The following CD99 variants were observed in gnomAD, a reference collection of about 807,000 sequenced individuals.
CD99 encodes CD99 molecule (Xg blood group), also known as CD99 antigen.
CD99 carries 19 observed loss-of-function variants against 28.4 expected under a neutral mutation model. The observed-to-expected ratio is 0.67, with a 90% CI of 0.47 to 0.98. CD99 has a LOEUF of 0.98. CD99 is among the 50% of genes least tolerant of loss of function. The pLI is 0.00. For missense variants in CD99, 283 were observed against 248.8 expected (o/e 1.14, Z -0.92); for synonymous variants, 103 against 92.1 (o/e 1.12, Z -0.67).
At chrX:2,702,426 CAAT>C (rs66532705) in intron 1 of CD99, among the ~76,000 whole-genome samples, 8,791 of 151,900 alleles carry the variant, frequency 0.058, 376 homozygotes, top group African/African-American at 0.12. Context: ...CTGAGAAAGA[CAAT>C]GATATATTTT....
chrX:2,702,187 G>C (rs146573206), intron 1 of CD99, among the ~76,000 whole-genome samples: 1,941 of 152,236 alleles, frequency 0.013, 42 homozygotes, highest in African/African-American at 0.044. Context: ...AGGGCTTCCT[G>C]GAGAAGGTGA....
rs1321088984 is a variant in CD99, at chrX:2,691,445, T to C, written c.67+18T>C. On this transcript the variant is annotated intron_variant, in intron 1 of 9. Transcript: ENST00000381192. ...CGCCCCGGGTGAGCGAGCGGAGGGA[T>C]CCGGGTTGGGGGACGCGGAGGGCGC... 1 of 1,578,926 alleles carries C rather than the reference T, an allele frequency of 6.3e-7. No individual in the cohort carries two copies. Among genetic ancestry groups the C allele is most frequent in the Non-Finnish European group, 8.5e-7 (1 of 1,171,548 alleles).
At chrX:2,709,775 A>G (rs868609015) in intron 1 of CD99, among the ~76,000 whole-genome samples, 32 of 140,976 alleles carry the variant, frequency 2.3e-4, no homozygotes, top group African/African-American at 8.2e-4. Context: ...CAGGCCCTGC[A>G]TTGGAAAAAA....
chrX:2,740,455 C>G (rs960341695), intron 9 of CD99, among the ~76,000 whole-genome samples: 1 of 152,120 alleles, frequency 6.6e-6, no homozygotes. Flanking sequence ...ATAAAAACTG[C>G]ACACTCTCAT....
rs980929317 is a variant in CD99, at chrX:2,732,955, C to T, written c.476-5245C>T. Among the ~76,000 whole-genome samples the T allele has an allele frequency of 7.4e-5, 11 of 147,732 alleles. No individual in the cohort carries two copies. The East Asian group carries it at 1.4e-3, about 19-fold the overall frequency. ...CTTCCCTCTCTCCTTCCCTTCCTCC[C>T]TCCCTCCCTCATTTCCTTCCTCCCT... On this transcript the variant is annotated intron_variant, in intron 8 of 9. Coordinates refer to ENST00000381192, the MANE Select transcript of CD99 (RefSeq NM_002414.5).
At chrX:2,707,776 C>T (rs1001599434) in intron 1 of CD99, among the ~76,000 whole-genome samples, 9 of 152,150 alleles carry the variant, frequency 5.9e-5, no homozygotes, top group African/African-American at 2.2e-4. Context: ...CCACCAGGCT[C>T]CTTCTCTGAG....
chrX:2,735,742 C>T lies in CD99; in HGVS notation c.476-2458C>T, dbSNP rs929676250. 1.2e-4 allele frequency among the ~76,000 whole-genome samples: 18 copies of T among 152,204 alleles called. No individual in the cohort carries two copies. The East Asian group carries it at 1.5e-3, about 13-fold the overall frequency. On this transcript the variant is annotated intron_variant, in intron 8 of 9. Coordinates refer to ENST00000381192, the MANE Select transcript of CD99 (RefSeq NM_002414.5). Reference sequence around the variant, plus strand: ...AAATGACATTTGTGGTGAACATTTTCGGATCATTTCGAATGTTCTTCTCTT... The same window carrying T: ...AAATGACATTTGTGGTGAACATTTTTGGATCATTTCGAATGTTCTTCTCTT...
chrX:2,716,843 C>T (rs770082431), intron 2 of CD99, among the ~76,000 whole-genome samples: 1 of 152,308 alleles, frequency 6.6e-6, no homozygotes, highest in South Asian at 2.1e-4. Flanking sequence ...GATTGGCTTC[C>T]ATTCTCAGAG....
At chrX:2,715,678 C>G (rs2048669862) in intron 2 of CD99, 2 of 151,084 alleles carry the variant, frequency 1.3e-5, no homozygotes, top group African/African-American at 2.4e-5. Context: ...GGGACCACTG[C>G]TCAATCCACT....
chrX:2,697,546 C>T (rs2047634018), intron 1 of CD99, among the ~76,000 whole-genome samples: 1 of 152,024 alleles, frequency 6.6e-6, no homozygotes, highest in South Asian at 2.1e-4. Context: ...CCAAATGCAC[C>T]CTGGCAAGCA....
At chrX:2,733,241 C>A in intron 8 of CD99, 1 of 1,079,346 alleles carries the variant, frequency 9.3e-7, no homozygotes, top group Non-Finnish European at 1.4e-6. Flanking sequence ...TTGCTCAGAG[C>A]AGCTCTTTCT....
At position 2,691,420 on chromosome X, in the gene CD99, C is replaced by T. The variant is rs2047278053; in HGVS notation, c.60C>T (p.Ala20=). ...LLFGLLGVLV[A]APDGGFDLSD... ...TCGGCCTGCTGGGTGTTCTGGTCGC[C>T]GCCCCGGGTGAGCGAGCGGAGGGAT... The change falls in exon 1 of 10, where the codon GCC becomes GCT. Residue 20 remains alanine, a synonymous_variant. Coordinates refer to ENST00000381192, the MANE Select transcript of CD99 (RefSeq NM_002414.5). 10 of 1,583,882 alleles carry T rather than the reference C, an allele frequency of 6.3e-6. No homozygotes were observed. The highest frequency in any genetic ancestry group is 2.3e-4 in the Middle Eastern group (1 of 4,418).
At chrX:2,729,797 G>A (rs2049495906) in intron 8 of CD99, among the ~76,000 whole-genome samples, 1 of 152,120 alleles carries the variant, frequency 6.6e-6, no homozygotes, top group Non-Finnish European at 1.5e-5. Context: ...AGGAGGTGGG[G>A]CAGGCATGAA....
At chrX:2,732,194 C>G (rs1031414366) in intron 8 of CD99, among the ~76,000 whole-genome samples, 18 of 152,104 alleles carry the variant, frequency 1.2e-4, no homozygotes, top group Admixed American at 1.1e-3. Context: ...AGCTGCTTCT[C>G]TCATGCACTC....
intron 2 of CD99, among the ~76,000 whole-genome samples, chrX:2,716,319 C>T (rs1233695878): frequency 1.3e-5 from 2 of 150,628 alleles, no homozygotes; most frequent in East Asian, 3.9e-4. Context: ...GCCCAGCCAC[C>T]CTCTTCACTT....
At chrX:2,738,066 G>A in intron 8 of CD99, 134 bp from the exon 9 acceptor site, 1 of 815,244 alleles carries the variant, frequency 1.2e-6, no homozygotes, top group Admixed American at 1.7e-5. Flanking sequence ...TGGGTCTCGG[G>A]GTTCAGAACT....
intron 1 of CD99, among the ~76,000 whole-genome samples, chrX:2,704,929 G>T (rs2048048284): frequency 6.6e-6 from 1 of 152,128 alleles, no homozygotes; most frequent in African/African-American, 2.4e-5. Flanking sequence ...TGCCCAGGCT[G>T]CTGTTGAACT....
chrX:2,709,099 G>T (rs2048256616), intron 1 of CD99, among the ~76,000 whole-genome samples: 1 of 152,188 alleles, frequency 6.6e-6, no homozygotes, highest in Admixed American at 6.5e-5. Context: ...GGACTCTGAG[G>T]GTGATGGAGG....
chrX:2,692,334 C>T (rs1296581765), intron 1 of CD99: 1 of 213,380 alleles, frequency 4.7e-6, no homozygotes, highest in East Asian at 1.4e-4. Context: ...GCAGTGTGGA[C>T]TTCAGGACGG....
Sources: gnomAD v4.1 joint callset for allele counts (sites outside exome capture counted in the v4.1 genomes callset) on GRCh38, gnomAD v4.1.1 for gene constraint, MANE v1.5 for transcripts, NCBI Gene and HGNC (gene_info 2026-07-23, HGNC 2026-07-21) for gene names.